Variants in MBOAT1 observed in about 807,000 individuals in gnomAD.
MBOAT1 encodes membrane-bound glycerophospholipid O-acyltransferase 1.
In MBOAT1, 67 loss-of-function variants were observed where a neutral mutation model predicts 64.4. The observed-to-expected ratio is 1.04, with a 90% CI of 0.85 to 1.27. MBOAT1 has a LOEUF of 1.27. Ranked by LOEUF, MBOAT1 falls within the 50% of genes most tolerant of loss-of-function variation. The pLI is 0.00. For synonymous variants in MBOAT1, 229 were observed against 218.9 expected, an observed-to-expected ratio of 1.05 and a Z score of -0.41; for missense variants, 563 against 604.6, an observed-to-expected ratio of 0.93 and a Z score of 0.72.
intron 6 of MBOAT1, among the ~76,000 whole-genome samples, chr6:20,127,337 C>T (rs1760684460): frequency 6.6e-6 from 1 of 152,122 alleles, no homozygotes; most frequent in African/African-American, 2.4e-5. Flanking sequence ...ATAAAGACTC[C>T]CTGAAATGTC....
At chr6:20,163,542 T>C (rs1761925608) in intron 1 of MBOAT1, among the ~76,000 whole-genome samples, 1 of 152,112 alleles carries the variant, frequency 6.6e-6, no homozygotes. Context: ...GTTAGAAAAT[T>C]TACCCAAAAT....
intron 10 of MBOAT1, among the ~76,000 whole-genome samples, 174 bp downstream of exon 10, chr6:20,115,114 T>C (rs1760281511): frequency 6.6e-6 from 1 of 152,212 alleles, no homozygotes; most frequent in Admixed American, 6.5e-5. Flanking sequence ...TGCCACATTA[T>C]GGCCTTCTCA....
chr6:20,158,560 C>T (rs1044905733), intron 1 of MBOAT1, among the ~76,000 whole-genome samples: 2 of 151,936 alleles, frequency 1.3e-5, no homozygotes, highest in African/African-American at 4.8e-5. Context: ...GCAACAAAAG[C>T]AAAAATAGGT....
At chr6:20,175,102 C>T (rs1003792502) in intron 1 of MBOAT1, among the ~76,000 whole-genome samples, 2 of 152,082 alleles carry the variant, frequency 1.3e-5, no homozygotes, top group African/African-American at 4.8e-5. Context: ...ACCTCAAAAA[C>T]CATTCTCTCT....
intron 1 of MBOAT1, among the ~76,000 whole-genome samples, chr6:20,167,074 G>GATCT (rs1762035963): frequency 1.3e-5 from 2 of 152,156 alleles, no homozygotes; most frequent in Non-Finnish European, 1.5e-5. Flanking sequence ...CTGTCTCTTG[G>GATCT]ATCTTATTTC....
intron 1 of MBOAT1, among the ~76,000 whole-genome samples, chr6:20,192,947 T>C (rs1194751047): frequency 6.7e-6 from 1 of 149,876 alleles, no homozygotes; most frequent in African/African-American, 2.4e-5. Context: ...TTACACAACC[T>C]GGATCTGAAG....
rs763542740 is a variant in MBOAT1, at chr6:20,150,378, T to C, written c.323+807A>G. On this transcript the variant is annotated intron_variant, in intron 3 of 12. Transcript: ENST00000324607. ...CACCCCCTAGAACTTTCCTCATCCC[T>C]CTTTGTGATTCCTTCCACAGCTCCC... is the stretch of plus-strand genomic sequence containing the variant. Among the ~76,000 whole-genome samples, 164 of 152,040 alleles carry C rather than the reference T, an allele frequency of 1.1e-3. 1 individual carries two copies. Among genetic ancestry groups the C allele is most frequent in the Middle Eastern group, 3.2e-3 (1 of 316 alleles).
At chr6:20,128,842 C>A in intron 5 of MBOAT1, 89 bp from the exon 6 acceptor site, 2 of 896,280 alleles carry the variant, frequency 2.2e-6, no homozygotes, top group African/African-American at 1.7e-5. Context: ...TCATTTGAAC[C>A]AGGTAATCTT....
At chr6:20,104,509 T>TAA (rs1483301024) in intron 12 of MBOAT1, among the ~76,000 whole-genome samples, 1 of 152,242 alleles carries the variant, frequency 6.6e-6, no homozygotes, top group Non-Finnish European at 1.5e-5. Context: ...GTATGCACAA[T>TAA]GTAGATATCC....
intron 1 of MBOAT1, among the ~76,000 whole-genome samples, chr6:20,164,625 A>G (rs1003754450): frequency 9.6e-6 from 1 of 103,792 alleles, no homozygotes; most frequent in Admixed American, 1.2e-4. Flanking sequence ...AGGTTGGGGG[A>G]TAAGGCATCT....
intron 7 of MBOAT1, among the ~76,000 whole-genome samples, chr6:20,125,553 A>T (rs1218676929): frequency 6.6e-6 from 1 of 152,240 alleles, no homozygotes; most frequent in Non-Finnish European, 1.5e-5. Flanking sequence ...AGACTCTCTG[A>T]TGACATTACC....
rs369038811 is a variant in MBOAT1 at position 20,212,198 on chromosome 6, G to C, written c.37C>G (p.Arg13Gly). The stretch of plus-strand genomic sequence containing the variant: ...TGCAGGTAGGTGGAGCCCGTGGTGC[G>C]GTAGGAAAGGCTGGACGGCTGCGGC... ...AEPQPSSLSY[R>G]TTGSTYLHPL... Residue 13 changes from arginine (R) to glycine (G), a missense_variant, in exon 1 of 13, where the codon CGC (arginine) becomes GGC (glycine). Coordinates refer to ENST00000324607, the MANE Select transcript of MBOAT1 (RefSeq NM_001080480.3). 2.4e-5 allele frequency: 38 copies of C among 1,613,222 alleles called. No homozygotes were observed. The South Asian group carries it at 4.1e-4, about 17-fold the overall frequency.
intron 1 of MBOAT1, among the ~76,000 whole-genome samples, chr6:20,196,387 G>A (rs1762955666): frequency 6.6e-6 from 1 of 152,172 alleles, no homozygotes; most frequent in African/African-American, 2.4e-5. Context: ...TAAATGTCCA[G>A]GAGAGGCAAA....
intron 9 of MBOAT1, among the ~76,000 whole-genome samples, chr6:20,115,639 G>A (rs1390034226): frequency 4.6e-5 from 7 of 152,054 alleles, no homozygotes; most frequent in Non-Finnish European, 7.4e-5. Context: ...TTTTACTCTG[G>A]TTAAAATTTT....
At position 20,199,823 on chromosome 6, in the gene MBOAT1, C is replaced by T. The variant is rs570334336; in HGVS notation, c.99+12313G>A. 1.1e-4 allele frequency among the ~76,000 whole-genome samples: 16 copies of T among 152,176 alleles called. No individual in the cohort carries two copies. In the South Asian group the frequency reaches 2.9e-3, roughly 28 times the overall value. ...TCTCTACTAAAAATACAAAAATTAG[C>T]CAGGTGTGGTGGCGGGCACCTATAA... On this transcript the variant is annotated intron_variant, in intron 1 of 12. Coordinates refer to ENST00000324607, the MANE Select transcript of MBOAT1 (RefSeq NM_001080480.3).
At chr6:20,122,171 A>AT (rs1489276932) in intron 8 of MBOAT1, among the ~76,000 whole-genome samples, 2 of 152,072 alleles carry the variant, frequency 1.3e-5, no homozygotes, top group African/African-American at 4.8e-5. Context: ...ATCTCAAAAA[A>AT]ATATATATAT....
At chr6:20,160,988 C>T (rs556946319) in intron 1 of MBOAT1, among the ~76,000 whole-genome samples, 2 of 152,182 alleles carry the variant, frequency 1.3e-5, no homozygotes, top group Admixed American at 6.5e-5. Flanking sequence ...GGGTTCCCAA[C>T]CCCCCGGGCC....
Position 20,144,224 on chromosome 6 carries a change from A to G in MBOAT1, c.415T>C (p.Ser139Pro), listed in dbSNP as rs929369052. The change falls in exon 4 of 13, where the codon TCT (serine) becomes CCT (proline). Residue 139 changes from serine to proline, a missense_variant. By Grantham distance (74) the Ser-to-Pro change is moderately conservative (BLOSUM62 -1). Transcript: ENST00000324607. ...FHYGILTTDF[S>P]GPLMIVTQKI... Reference sequence around the variant, plus strand: ...TCTCTAATGTAAGATACTTACCCAGAAAAATCCGTAGTGAGAATTCCATAG... The same window carrying G: ...TCTCTAATGTAAGATACTTACCCAGGAAAATCCGTAGTGAGAATTCCATAG... The G allele has an allele frequency of 8.7e-6, 14 of 1,607,658 alleles. No homozygotes were observed. Among genetic ancestry groups the G allele is most frequent in the Non-Finnish European group, 1.2e-5 (14 of 1,174,724 alleles).
intron 1 of MBOAT1, among the ~76,000 whole-genome samples, chr6:20,156,190 G>C (rs961395370): frequency 2.0e-5 from 3 of 150,232 alleles, no homozygotes; most frequent in Non-Finnish European, 4.4e-5. Context: ...AGAATGGCGC[G>C]AACCTGGGAG....
Sources: allele counts gnomAD v4.1 joint callset (sites outside exome capture counted in the v4.1 genomes callset), GRCh38; gene constraint gnomAD v4.1.1; transcripts MANE v1.5; gene names NCBI Gene and HGNC (gene_info 2026-07-23, HGNC 2026-07-21).